SRCAP: variants seen among roughly 807,000 people sequenced by gnomAD.
SRCAP encodes chromatin remodeling protein SRCAP.
SRCAP carries 46 observed loss-of-function variants against 263.1 expected under a neutral mutation model. That is an observed-to-expected ratio of 0.17 (90% CI 0.14 to 0.22). SRCAP has a LOEUF of 0.22. Ranked by LOEUF, SRCAP falls within the 10% of genes least tolerant of loss-of-function variation. SRCAP has a pLI of 1.00. For missense variants in SRCAP, 3,695 were observed against 4,181.9 expected, an observed-to-expected ratio of 0.88 and a Z score of 3.21; for synonymous variants, 1,813 against 1,662.1, an observed-to-expected ratio of 1.09 and a Z score of -2.21.
In SRCAP at chr16:30,723,136, C is replaced by A; in HGVS notation, c.4066C>A (p.Pro1356Thr). 1 of 1,614,120 alleles carries A rather than the reference C, an allele frequency of 6.2e-7. No individual in the cohort carries two copies. The part of the protein sequence containing the change: ...PTLTPGRLPT[P>T]TLGTARAPMP... ...GTTAACCCCTGGCCGGCTACCCACA[C>A]CTACTCTGGGTACTGCTCGAGCCCC... Residue 1356 changes from proline to threonine, a missense_variant, in exon 24 of 34, where the codon CCT (proline) becomes ACT (threonine). By Grantham distance (38) the Pro-to-Thr change is conservative. Coordinates refer to ENST00000262518, the MANE Select transcript of SRCAP (RefSeq NM_006662.3).
At position 30,717,624 on chromosome 16, in the gene SRCAP, T is replaced by TTC. The variant is rs1371023234; in HGVS notation, c.2817+1146_2817+1147insCT. On this transcript the variant is annotated intron_variant, in intron 18 of 33. Coordinates refer to ENST00000262518, the MANE Select transcript of SRCAP (RefSeq NM_006662.3). The stretch of plus-strand genomic sequence containing the variant: ...ACCAAGCCTGGCTTTTTTTTTTTTT[T>TTC]TTTTTTTGAGGCGGAGTCTCGCTCT... 6.2e-5 allele frequency among the ~76,000 whole-genome samples: 9 copies of TTC among 146,312 alleles called. No homozygotes were observed. In the East Asian group the frequency reaches 8.1e-4, roughly 13 times the overall value.
intron 30 of SRCAP, 179 bp from the exon 31 acceptor site, chr16:30,734,317 T>C (rs2053139127): frequency 1.1e-6 from 1 of 896,582 alleles, no homozygotes; most frequent in Admixed American, 2.8e-5. Flanking sequence ...CACTTTAGCC[T>C]GGGTGACGAG....
At chr16:30,699,564 C>A (rs557385952) in intron 1 of SRCAP, among the ~76,000 whole-genome samples, 1 of 152,156 alleles carries the variant, frequency 6.6e-6, no homozygotes, top group Non-Finnish European at 1.5e-5. Flanking sequence ...ACTCTCACTT[C>A]TGCGTTCAGC....
At chr16:30,727,497 C>T (rs555033435) in intron 25 of SRCAP, among the ~76,000 whole-genome samples, 6 of 152,264 alleles carry the variant, frequency 3.9e-5, no homozygotes, top group African/African-American at 1.4e-4. Context: ...AGTGAACCTC[C>T]CATCTCAGCC....
chr16:30,717,740 C>T (rs908954121), intron 18 of SRCAP, among the ~76,000 whole-genome samples: 2 of 149,104 alleles, frequency 1.3e-5, no homozygotes, highest in Admixed American at 6.9e-5. Flanking sequence ...TCCCGAGTAG[C>T]TGGGGATACA....
At chr16:30,710,597 G>A in intron 8 of SRCAP, 157 bp from the exon 9 acceptor site, 1 of 867,434 alleles carries the variant, frequency 1.2e-6, no homozygotes, top group Non-Finnish European at 2.0e-6. Flanking sequence ...CTGGTGCTGA[G>A]AGAAAACCCT....
intron 22 of SRCAP, 33 bp from the exon 23 acceptor site, chr16:30,722,530 T>TTC: frequency 6.2e-7 from 1 of 1,606,616 alleles, no homozygotes; most frequent in Non-Finnish European, 8.5e-7. Context: ...TGATAGCTGC[T>TTC]TCTCTCTCTC....
chr16:30,716,507 G>A (rs2052952061), intron 18 of SRCAP, 28 bp downstream of exon 18: 1 of 1,584,786 alleles, frequency 6.3e-7, no homozygotes, highest in South Asian at 1.1e-5. Flanking sequence ...AATATGAAAT[G>A]TAAAGGTTAT....
intron 31 of SRCAP, among the ~76,000 whole-genome samples, chr16:30,735,968 G>A (rs2053157398): frequency 6.6e-6 from 1 of 151,296 alleles, no homozygotes; most frequent in African/African-American, 2.4e-5. Context: ...GAAGTACAGC[G>A]AGCAATCTCA....
At chr16:30,707,780 A>T (rs1449749557) in intron 6 of SRCAP, 68 bp downstream of exon 6, 1 of 1,577,360 alleles carries the variant, frequency 6.3e-7, no homozygotes, top group African/African-American at 1.4e-5. Flanking sequence ...GGTAGTAGGA[A>T]TGATCAAAAC....
At chr16:30,710,481 T>G (rs932143625) in intron 8 of SRCAP, 1 of 731,776 alleles carries the variant, frequency 1.4e-6, no homozygotes, top group African/African-American at 1.7e-5. Context: ...AAGTCTTTTC[T>G]GTTTCTCCAT....
Position 30,710,768 on chromosome 16 carries a change from C to A in SRCAP, c.1149C>A (p.Pro383=). ...PPQVLEIKPP[P]SAVTQRNKQP... is the part of the protein sequence containing the mutation. The stretch of plus-strand genomic sequence containing the variant: ...TTGCCATACAGATAAAGCCCCCACC[C>A]TCTGCTGTCACACAGCGCAACAAAC... Residue 383 remains proline, a synonymous_variant, in exon 9 of 34, where the codon CCC becomes CCA. Transcript: ENST00000262518. The A allele has an allele frequency of 6.2e-7, 1 of 1,614,236 alleles. No homozygotes were observed. Among genetic ancestry groups the A allele is most frequent in the African/African-American group, 1.3e-5 (1 of 75,044 alleles).
At chr16:30,703,002 T>A (rs1486611524) in intron 3 of SRCAP, among the ~76,000 whole-genome samples, 2 of 152,104 alleles carry the variant, frequency 1.3e-5, no homozygotes, top group African/African-American at 4.8e-5. Flanking sequence ...CTGGGATTTA[T>A]TGGTGGCTGT....
chr16:30,720,660 C>A, intron 19 of SRCAP, 53 bp from the exon 20 acceptor site: 1 of 1,501,620 alleles, frequency 6.7e-7, no homozygotes, highest in Non-Finnish European at 8.9e-7. Context: ...TTTGATATTG[C>A]TACCCCTTAT....
rs540648031 is a variant in SRCAP, at chr16:30,712,904, T to G, written c.2130+89T>G. On this transcript the variant is annotated intron_variant, in intron 14 of 33. Coordinates refer to ENST00000262518, the MANE Select transcript of SRCAP (RefSeq NM_006662.3). Reference sequence around the variant, plus strand: ...TCAGGTGAATTCCTTTCTCTCCTCTTTCTTTTTTAAAAAAAATTTTTTAAT... The same window carrying G: ...TCAGGTGAATTCCTTTCTCTCCTCTGTCTTTTTTAAAAAAAATTTTTTAAT... 4 of 1,479,500 alleles carry G rather than the reference T, an allele frequency of 2.7e-6. No individual in the cohort carries two copies. The South Asian group carries it at 5.5e-5, about 20-fold the overall frequency. 91.6% of individuals were successfully genotyped at this position (1,479,500 alleles called of 1,614,324 possible).
At chr16:30,723,290 C>T in intron 24 of SRCAP, 61 bp downstream of exon 24, 3 of 1,532,510 alleles carry the variant, frequency 2.0e-6, no homozygotes, top group Non-Finnish European at 2.6e-6. Context: ...ATGGGGTCGC[C>T]TCAAGGTTTC....
chr16:30,737,706 C>A lies in SRCAP; in HGVS notation c.7666C>A (p.Gln2556Lys). ...GAGGCCTGAGGCAGAGCTGTGTGCCCAGGCATTGGCATCTCCAGAGTCCCT... is the reference window on the plus strand; with the variant it reads ...GAGGCCTGAGGCAGAGCTGTGTGCCAAGGCATTGGCATCTCCAGAGTCCCT... ...GLRPEAELCA[Q>K]ALASPESLEL... The change falls in exon 34 of 34, where the codon CAG becomes AAG. Residue 2556 changes from glutamine (Q) to lysine (K), a missense_variant. By Grantham distance (53) the Gln-to-Lys change is moderately conservative. Around this residue, in one of 12 missense-constraint regions of SRCAP, gnomAD observed 1,207 missense variants for 1,142.9 expected, o/e 1.06. Transcript: ENST00000262518. 6.2e-7 allele frequency: 1 copy of A among 1,614,192 alleles called. No homozygotes were observed. The highest frequency in any genetic ancestry group is 8.5e-7 in the Non-Finnish European group (1 of 1,180,040).
intron 27 of SRCAP, among the ~76,000 whole-genome samples, chr16:30,731,835 G>T (rs1332876028): frequency 6.6e-6 from 1 of 152,036 alleles, no homozygotes; most frequent in East Asian, 1.9e-4. Flanking sequence ...GGGTGACAGG[G>T]TGAGACCTTG....
chr16:30,723,830 G>A lies in SRCAP; in HGVS notation c.4406G>A (p.Gly1469Asp), dbSNP rs762029394. ...ISAPLTVSAS[G>D]PALLTSVTPP... ...GCCCCCTTGACTGTTTCTGCTTCGG[G>A]CCCAGCTCTGTTGACCAGTGTGACT... The change falls in exon 25 of 34, where the codon GGC becomes GAC. Residue 1469 changes from glycine (G) to aspartate (D), a missense_variant. By Grantham distance (94) the Gly-to-Asp change is moderately conservative (BLOSUM62 -1). Around this residue, in one of 12 missense-constraint regions of SRCAP, gnomAD observed 1,347 missense variants for 1,304.4 expected, o/e 1.03. Coordinates refer to ENST00000262518, the MANE Select transcript of SRCAP (RefSeq NM_006662.3). 4 of 1,614,010 alleles carry A rather than the reference G, an allele frequency of 2.5e-6. No individual in the cohort carries two copies. Among genetic ancestry groups the A allele is most frequent in the Non-Finnish European group, 3.4e-6 (4 of 1,180,010 alleles).
Sources: allele counts gnomAD v4.1 joint callset (sites outside exome capture counted in the v4.1 genomes callset), GRCh38; gene constraint gnomAD v4.1.1; regional missense constraint gnomAD v4.1.1; transcripts MANE v1.5; gene names NCBI Gene and HGNC (gene_info 2026-07-23, HGNC 2026-07-21).